Variants in KIF13B observed in about 807,000 individuals in gnomAD.
KIF13B encodes kinesin-like protein KIF13B.
In KIF13B, 127 loss-of-function variants were observed where a neutral mutation model predicts 222.0. The observed-to-expected ratio is 0.57, with a 90% CI of 0.50 to 0.66. The LOEUF is 0.66. Among genes scored for constraint, KIF13B ranks in the 30% least tolerant of loss-of-function variants. The pLI is 0.00. For synonymous variants in KIF13B, 976 were observed against 919.0 expected (o/e 1.06, Z -1.12); for missense variants, 2,173 against 2,379.0 (o/e 0.91, Z 1.80).
intron 1 of KIF13B, among the ~76,000 whole-genome samples, chr8:29,247,269 T>C (rs1373270868): frequency 6.6e-6 from 1 of 152,038 alleles, no homozygotes; most frequent in Non-Finnish European, 1.5e-5. Context: ...ATACCTATAG[T>C]TCCAACTACT....
intron 5 of KIF13B, among the ~76,000 whole-genome samples, chr8:29,187,473 A>G (rs906975637): frequency 1.3e-5 from 2 of 152,064 alleles, no homozygotes; most frequent in Admixed American, 6.5e-5. Flanking sequence ...AGAGGCTGCA[A>G]TGAGCAGAGA....
intron 25 of KIF13B, 105 bp downstream of exon 25, chr8:29,127,017 T>G: frequency 1.0e-6 from 1 of 988,972 alleles, no homozygotes; most frequent in South Asian, 1.7e-5. Context: ...AACAAAGAGA[T>G]TCACGGAAAG....
Position 29,099,168 on chromosome 8 carries a change from G to A in KIF13B, c.4289C>T (p.Ser1430Phe). 1 of 1,613,824 alleles carries A rather than the reference G, an allele frequency of 6.2e-7. No individual in the cohort carries two copies. The highest frequency in any genetic ancestry group is 1.1e-5 in the South Asian group (1 of 91,076). The change falls in exon 36 of 40, where the codon TCT (serine) becomes TTT (phenylalanine). Residue 1430 changes from serine to phenylalanine, a missense_variant. Ser to Phe is a radical substitution (Grantham distance 155, BLOSUM62 -2). Coordinates refer to ENST00000524189, the MANE Select transcript of KIF13B (RefSeq NM_015254.4). ...AGAATGGTTATTTTGGGGAGAAACA[G>A]AGAGGGCGGGGGCAGGAGCTATTCC... ...SRGIAPAPAL[S>F]VSPQNNHSPD...
At chr8:29,181,008 T>C (rs2130278799) in intron 7 of KIF13B, among the ~76,000 whole-genome samples, 1 of 152,318 alleles carries the variant, frequency 6.6e-6, no homozygotes, top group Non-Finnish European at 1.5e-5. Context: ...GGCAGCCCAA[T>C]CTTCAACTTG....
At chr8:29,117,916 G>A (rs1809677416) in intron 30 of KIF13B, among the ~76,000 whole-genome samples, 1 of 152,110 alleles carries the variant, frequency 6.6e-6, no homozygotes, top group Non-Finnish European at 1.5e-5. Context: ...CCAGCACTTT[G>A]CGAAGCCAAG....
chr8:29,091,848 C>T (rs1231885564), intron 37 of KIF13B, among the ~76,000 whole-genome samples: 2 of 152,204 alleles, frequency 1.3e-5, no homozygotes, highest in Non-Finnish European at 2.9e-5. Context: ...GTTTCATCTA[C>T]TGTATGTGTA....
rs767762622 is a variant in KIF13B at position 29,140,588 on chromosome 8, A to G, written c.2364T>C (p.Asp788=). The G allele has an allele frequency of 2.5e-6, 4 of 1,613,616 alleles. No homozygotes were observed. The highest frequency in any genetic ancestry group is 2.2e-5 in the South Asian group (2 of 90,986). The change falls in exon 20 of 40, where the codon GAT becomes GAC. Residue 788 remains aspartate (D), a synonymous_variant. Coordinates refer to ENST00000524189, the MANE Select transcript of KIF13B (RefSeq NM_015254.4). Reference sequence around the variant, plus strand: ...GATTTTCCTGCTCATCATAGAATGGATCAGCACGTTTGAAGTATGATCGTA... The same window carrying G: ...GATTTTCCTGCTCATCATAGAATGGGTCAGCACGTTTGAAGTATGATCGTA... ...PVIRSYFKRA[D]PFYDEQENHS...
chr8:29,090,893 T>A (rs1191275879), intron 37 of KIF13B, among the ~76,000 whole-genome samples: 1 of 152,128 alleles, frequency 6.6e-6, no homozygotes, highest in Non-Finnish European at 1.5e-5. Flanking sequence ...CTGGCTAATT[T>A]TTGTAGTAAA....
Position 29,068,012 on chromosome 8 carries a change from AG to A in KIF13B, c.*2491del, listed in dbSNP as rs1939988755. On this transcript the variant is annotated 3_prime_UTR_variant, in exon 40 of 40. Transcript: ENST00000524189. The surrounding 1 kb of genome is among the most constrained non-coding windows in gnomAD (Gnocchi z 4.4). ...AGCCTCAGTCCTTCATAAGGGCCCG[AG>A]GGAAGTGGCGGGGTGGGGCCAGGGA... The A allele has an allele frequency of 6.6e-6, 1 of 152,214 alleles. No homozygotes were observed. Among genetic ancestry groups the A allele is most frequent in the Admixed American group, 6.5e-5 (1 of 15,286 alleles). 9.4% of individuals were successfully genotyped at this position (152,214 alleles called of 1,614,324 possible). A position where few individuals can be genotyped will look rare whatever the true frequency, so the allele number is the denominator to read the frequency against.
chr8:29,070,475 C>T lies in KIF13B; in HGVS notation c.*29G>A. 6.2e-7 allele frequency: 1 copy of T among 1,605,542 alleles called. No individual in the cohort carries two copies. The highest frequency in any genetic ancestry group is 1.1e-5 in the South Asian group (1 of 89,800). ...CAGGGCTCAAAAGGGGCCGGGCACC[C>T]CCAGAAAAGTTCGCCCTAAGGCAGC... On this transcript the variant is annotated 3_prime_UTR_variant, in exon 40 of 40. Transcript: ENST00000524189. The surrounding 1 kb of genome is among the most constrained non-coding windows in gnomAD (Gnocchi z 4.1).
At chr8:29,242,680 G>C (rs1029477189) in intron 2 of KIF13B, among the ~76,000 whole-genome samples, 3 of 152,232 alleles carry the variant, frequency 2.0e-5, no homozygotes, top group African/African-American at 7.2e-5. Flanking sequence ...ATTTCAGTCA[G>C]GAGAGTGCTC....
At chr8:29,248,619 C>T (rs1563825882) in intron 1 of KIF13B, among the ~76,000 whole-genome samples, 1 of 152,108 alleles carries the variant, frequency 6.6e-6, no homozygotes, top group African/African-American at 2.4e-5. Flanking sequence ...AGAAACTGAC[C>T]CCATGATTCA....
intron 30 of KIF13B, among the ~76,000 whole-genome samples, chr8:29,118,123 G>A (rs930408098): frequency 4.7e-5 from 7 of 150,364 alleles, no homozygotes; most frequent in Non-Finnish European, 8.8e-5. Context: ...GCACCATTGC[G>A]CTCCAGCCTG....
intron 31 of KIF13B, among the ~76,000 whole-genome samples, chr8:29,116,086 T>A (rs1809582462): frequency 6.6e-6 from 1 of 152,188 alleles, no homozygotes; most frequent in African/African-American, 2.4e-5. Context: ...TTTTTGTTTC[T>A]TTTTTGAGAT....
At chr8:29,110,193 G>T in intron 32 of KIF13B, 123 bp from the exon 33 acceptor site, 2 of 796,606 alleles carry the variant, frequency 2.5e-6, no homozygotes, top group South Asian at 3.6e-5. Context: ...GCTTTGGAAC[G>T]CCAAAGCATT....
intron 13 of KIF13B, among the ~76,000 whole-genome samples, chr8:29,156,127 C>T (rs1811514643): frequency 3.3e-5 from 5 of 152,116 alleles, no homozygotes; most frequent in Admixed American, 3.3e-4. Context: ...CACCACCATG[C>T]CCAGCTCATT....
At chr8:29,121,761 G>T (rs1233906830) in intron 29 of KIF13B, among the ~76,000 whole-genome samples, 9 of 148,636 alleles carry the variant, frequency 6.1e-5, no homozygotes, top group Non-Finnish European at 1.2e-4. Flanking sequence ...CCATCAGAGT[G>T]AACAGGCAAC....
intron 35 of KIF13B, among the ~76,000 whole-genome samples, chr8:29,100,520 C>T (rs2133576154): frequency 6.6e-6 from 1 of 151,988 alleles, no homozygotes; most frequent in African/African-American, 2.4e-5. Flanking sequence ...CTCGGCTCAC[C>T]GCAACCTCCA....
At chr8:29,163,027 A>G (rs1243980427) in intron 12 of KIF13B, among the ~76,000 whole-genome samples, 1 of 152,204 alleles carries the variant, frequency 6.6e-6, no homozygotes, top group African/African-American at 2.4e-5. Flanking sequence ...GGTTTAAATC[A>G]CATGCATTGT....
Sources: allele counts gnomAD v4.1 joint callset (sites outside exome capture counted in the v4.1 genomes callset), GRCh38; gene constraint gnomAD v4.1.1; non-coding constraint Gnocchi (gnomAD v3.1); transcripts MANE v1.5; gene names NCBI Gene and HGNC (gene_info 2026-07-23, HGNC 2026-07-21).